The following CGNL1 variants were observed in gnomAD, a reference collection of about 807,000 sequenced individuals.
CGNL1 encodes cingulin like 1, also known as cingulin-like protein 1.
Under a neutral mutation model 141.2 loss-of-function variants are expected in CGNL1, and 132 were observed. The observed-to-expected ratio is 0.93, with a 90% CI of 0.81 to 1.08. The LOEUF is 1.08. Among genes scored for constraint, CGNL1 ranks in the 50% least tolerant of loss-of-function variants. The pLI is 0.00. For missense variants in CGNL1, 1,870 were observed against 1,588.6 expected, an observed-to-expected ratio of 1.18 and a Z score of -3.01; for synonymous variants, 690 against 622.1, an observed-to-expected ratio of 1.11 and a Z score of -1.63.
In CGNL1 at chr15:57,443,688, C is replaced by G. The variant is rs568647851; in HGVS notation, c.1803+1210C>G. On this transcript the variant is annotated intron_variant, in intron 4 of 18. Coordinates refer to ENST00000281282, the MANE Select transcript of CGNL1 (RefSeq NM_032866.5). ...TACACCATAGTCCTTGCGTATTACA[C>G]CATAGTCCTTGCATATACATAGCCT... 2.6e-5 allele frequency among the ~76,000 whole-genome samples: 4 copies of G among 152,196 alleles called. No homozygotes were observed. In the South Asian group the frequency reaches 8.3e-4, roughly 32 times the overall value.
chr15:57,428,906 C>A (rs1276129601), intron 1 of CGNL1, among the ~76,000 whole-genome samples: 1 of 151,912 alleles, frequency 6.6e-6, no homozygotes, highest in African/African-American at 2.4e-5. Flanking sequence ...GCCTGTAATC[C>A]CAGCTACTCC....
In CGNL1 at chr15:57,524,694, G is replaced by A; in HGVS notation, c.2982G>A (p.Lys994=). 6.2e-7 allele frequency: 1 copy of A among 1,614,208 alleles called. No individual in the cohort carries two copies. Among genetic ancestry groups the A allele is most frequent in the Non-Finnish European group, 8.5e-7 (1 of 1,180,032 alleles). Residue 994 remains lysine, a synonymous_variant, in exon 12 of 19, where the codon AAG becomes AAA. Coordinates refer to ENST00000281282, the MANE Select transcript of CGNL1 (RefSeq NM_032866.5). ...RELAEMQRQL[K]EKTLEAEKSR... is the part of the protein sequence containing the mutation. Reference sequence around the variant, plus strand: ...TCGCAGAAATGCAAAGACAGTTGAAGGAGAAAACGCTGGAGGCAGAAAAGT... The same window carrying A: ...TCGCAGAAATGCAAAGACAGTTGAAAGAGAAAACGCTGGAGGCAGAAAAGT...
intron 2 of CGNL1, 125 bp downstream of exon 2, chr15:57,439,726 C>A: frequency 1.0e-6 from 1 of 972,698 alleles, no homozygotes; most frequent in Admixed American, 2.5e-5. Context: ...AATCACACAG[C>A]TGATCTGTTT....
At chr15:57,478,042 C>T (rs1475119867) in intron 8 of CGNL1, among the ~76,000 whole-genome samples, 2 of 152,220 alleles carry the variant, frequency 1.3e-5, no homozygotes, top group Non-Finnish European at 2.9e-5. Flanking sequence ...ATTTAACTAA[C>T]AGGATAGTAA....
intron 1 of CGNL1, among the ~76,000 whole-genome samples, chr15:57,415,238 CTG>C (rs1254337698): frequency 6.6e-6 from 1 of 152,230 alleles, no homozygotes; most frequent in Non-Finnish European, 1.5e-5. Context: ...ATCCTGGAAT[CTG>C]TGACTATGCC....
chr15:57,503,834 C>G (rs993240371), intron 8 of CGNL1, among the ~76,000 whole-genome samples: 3 of 152,086 alleles, frequency 2.0e-5, no homozygotes, highest in African/African-American at 7.2e-5. Context: ...TATCATGAGA[C>G]TAGGATGGGA....
intron 14 of CGNL1, among the ~76,000 whole-genome samples, chr15:57,536,970 A>G (rs897338664): frequency 1.3e-5 from 2 of 152,200 alleles, no homozygotes; most frequent in Non-Finnish European, 2.9e-5. Context: ...GTGAGGAGTT[A>G]AGTTCAGCTG....
intron 12 of CGNL1, among the ~76,000 whole-genome samples, chr15:57,527,961 A>G (rs141970233): frequency 4.6e-5 from 7 of 152,194 alleles, no homozygotes; most frequent in African/African-American, 1.7e-4. Flanking sequence ...CCTAGTAAAA[A>G]CGACATTTTG....
intron 1 of CGNL1, among the ~76,000 whole-genome samples, chr15:57,395,121 A>G (rs12903082): frequency 0.14 from 20,701 of 152,272 alleles, 1,581 homozygotes; most frequent in Middle Eastern, 0.18. Flanking sequence ...AAATAAACAA[A>G]CAAACAAAAA....
intron 1 of CGNL1, among the ~76,000 whole-genome samples, chr15:57,379,576 C>T (rs1567083351): frequency 6.6e-6 from 1 of 152,152 alleles, no homozygotes; most frequent in East Asian, 1.9e-4. Flanking sequence ...CTAAGAGATG[C>T]CATTGGCCTT....
chr15:57,424,972 T>C (rs2062956727), intron 1 of CGNL1, among the ~76,000 whole-genome samples: 1 of 152,238 alleles, frequency 6.6e-6, no homozygotes, highest in Admixed American at 6.5e-5. Context: ...GATGTTTTGG[T>C]ATTGATGGTA....
intron 1 of CGNL1, among the ~76,000 whole-genome samples, chr15:57,410,163 A>G (rs1161901024): frequency 6.6e-6 from 1 of 152,216 alleles, no homozygotes. Flanking sequence ...AAAGGAGGCA[A>G]GAGAGGACTG....
chr15:57,529,866 T>C (rs2031855647), intron 13 of CGNL1, among the ~76,000 whole-genome samples: 1 of 152,214 alleles, frequency 6.6e-6, no homozygotes, highest in African/African-American at 2.4e-5. Context: ...GTTGTTTAAG[T>C]CATTGAAGAT....
chr15:57,473,143 G>T (rs2063604105), intron 8 of CGNL1, among the ~76,000 whole-genome samples: 1 of 152,166 alleles, frequency 6.6e-6, no homozygotes, highest in Non-Finnish European at 1.5e-5. Flanking sequence ...ATTATAAATA[G>T]CCTGGGACAG....
chr15:57,544,341 A>G, intron 15 of CGNL1, 132 bp from the exon 16 acceptor site: 1 of 1,099,706 alleles, frequency 9.1e-7, no homozygotes, highest in South Asian at 1.6e-5. Context: ...TCTCCAGGCC[A>G]CAGGCCCTGG....
chr15:57,550,382 C>A lies in CGNL1; in HGVS notation c.*2892C>A, dbSNP rs1361704784. 2.6e-5 allele frequency: 4 copies of A among 152,566 alleles called. No individual in the cohort carries two copies. Among genetic ancestry groups the A allele is most frequent in the African/African-American group, 9.7e-5 (4 of 41,412 alleles). 9.5% of individuals were successfully genotyped at this position (152,566 alleles called of 1,614,324 possible). On this transcript the variant is annotated 3_prime_UTR_variant, in exon 19 of 19. Coordinates refer to ENST00000281282, the MANE Select transcript of CGNL1 (RefSeq NM_032866.5). ...TCTTTAATTTTATTATATATACATA[C>A]TTTTCTTCTGTTTTTTGCTTTAAGA...
chr15:57,470,280 CAGAA>C (rs1472894942), intron 8 of CGNL1, among the ~76,000 whole-genome samples: 1 of 78,068 alleles, frequency 1.3e-5, no homozygotes, highest in Non-Finnish European at 2.5e-5. Flanking sequence ...TTGCCTGCCC[CAGAA>C]ATGGCTCTTT....
At chr15:57,490,428 G>T (rs531625079) in intron 8 of CGNL1, among the ~76,000 whole-genome samples, 12 of 152,048 alleles carry the variant, frequency 7.9e-5, no homozygotes, top group Admixed American at 1.3e-4. Context: ...ACGCGTGCGT[G>T]TGCACTCACA....
At chr15:57,440,309 A>G in intron 2 of CGNL1, 68 bp from the exon 3 acceptor site, 1 of 1,114,512 alleles carries the variant, frequency 9.0e-7, no homozygotes, top group Non-Finnish European at 1.3e-6. Context: ...CACTGGAGGA[A>G]TTGTTTGGTG....
Sources: allele counts gnomAD v4.1 joint callset (sites outside exome capture counted in the v4.1 genomes callset), GRCh38; gene constraint gnomAD v4.1.1; transcripts MANE v1.5; gene names NCBI Gene and HGNC (gene_info 2026-07-23, HGNC 2026-07-21).